The following MYBPC3 variants were observed in gnomAD, a reference collection of about 807,000 sequenced individuals.
The protein encoded by MYBPC3 is myosin binding protein C3.
MYBPC3 carries 108 observed loss-of-function variants against 159.3 expected under a neutral mutation model. The observed-to-expected ratio is 0.68, with a 90% CI of 0.58 to 0.80. The LOEUF (loss-of-function observed/expected upper bound fraction) is 0.80, where lower values mean the gene tolerates loss of function less well. Among genes scored for constraint, MYBPC3 ranks in the 30% least tolerant of loss-of-function variants. The probability of loss-of-function intolerance (pLI) is 0.00; values close to 1 mark genes in which losing one functional copy is unlikely to be tolerated. For synonymous variants in MYBPC3, 730 were observed against 702.0 expected, an observed-to-expected ratio of 1.04 and a Z score of -0.63; for missense variants, 1,631 against 1,762.1, an observed-to-expected ratio of 0.93 and a Z score of 1.33.
Position 47,339,311 on chromosome 11 carries a change from C to T in MYBPC3, c.2148+13G>A. The T allele has an allele frequency of 6.2e-7, 1 of 1,613,700 alleles. No homozygotes were observed. Among genetic ancestry groups the T allele is most frequent in the Non-Finnish European group, 8.5e-7 (1 of 1,179,560 alleles). On this transcript the variant is annotated intron_variant, in intron 22 of 34. Transcript: ENST00000545968. ...AGACAAACGAGCCTCCTCCTGACCT[C>T]AGTCTCACTCACCTTCTTGTCAAAC...
chr11:47,333,650 G>A lies in MYBPC3; in HGVS notation c.3097C>T (p.Arg1033Trp), dbSNP rs748909815. 8.1e-6 allele frequency: 13 copies of A among 1,609,844 alleles called. No individual in the cohort carries two copies. Among genetic ancestry groups the A allele is most frequent in the Middle Eastern group, 1.6e-4 (1 of 6,082 alleles). The change falls in exon 29 of 35, where the codon CGG becomes TGG. Residue 1033 changes from arginine to tryptophan, a missense_variant. Physicochemically the swap from Arg to Trp is moderately radical, Grantham distance 101. Transcript: ENST00000545968. ...CCTGAATGCACGCGGCGAGCGGCCCGGATGAACAGGATGGTGTCTGTGGGG... is the reference window on the plus strand; with the variant it reads ...CCTGAATGCACGCGGCGAGCGGCCCAGATGAACAGGATGGTGTCTGTGGGG... ...NSPTDTILFI[R>W]AARRVHSGTY...
rs11570093 is a variant in MYBPC3, at chr11:47,338,302, T to C, written c.2308+218A>G. On this transcript the variant is annotated intron_variant, in intron 23 of 34. Coordinates refer to ENST00000545968, the MANE Select transcript of MYBPC3 (RefSeq NM_000256.3). This position sits in a 1 kb window ranked among gnomAD's most constrained non-coding sequence, Gnocchi z 4.7. Reference sequence around the variant, plus strand: ...CAGTGCTCCCACGGCACTCTGGACATGGCTCATGTACAGCAGTGTCGCAGG... The same window carrying C: ...CAGTGCTCCCACGGCACTCTGGACACGGCTCATGTACAGCAGTGTCGCAGG... Among the ~76,000 whole-genome samples, 323 of 152,320 alleles carry C rather than the reference T, an allele frequency of 2.1e-3. 3 individuals carry two copies. Among genetic ancestry groups the C allele is most frequent in the Non-Finnish European group, 3.5e-3 (241 of 68,016 alleles).
intron 22 of MYBPC3, among the ~76,000 whole-genome samples, chr11:47,339,079 G>C (rs2095885608): frequency 6.6e-6 from 1 of 152,032 alleles, no homozygotes; most frequent in Admixed American, 6.6e-5. Flanking sequence ...GGGAGCCAGG[G>C]AGCAGCCCAG....
rs1432810664 is a variant in MYBPC3, at chr11:47,343,069, G to A, written c.1303C>T (p.Gln435Ter). 1 of 1,612,618 alleles carries A rather than the reference G, an allele frequency of 6.2e-7. No individual in the cohort carries two copies. The highest frequency in any genetic ancestry group is 8.5e-7 in the Non-Finnish European group (1 of 1,179,446). Residue 435 changes from glutamine to a stop codon, truncating the protein, a stop_gained, in exon 15 of 35, where the codon CAG (glutamine) becomes TAG (stop). Transcript: ENST00000545968. LOFTEE classifies it high-confidence loss of function. ...QCSLADDAAY[Q>*]CVVGGEKCST... ...CACTTCTCGCCACCCACCACGCACT[G>A]GTAGGCTGCGTCGTCCGCCAATGAG...
intron 12 of MYBPC3, among the ~76,000 whole-genome samples, chr11:47,345,485 T>C (rs1461347272): frequency 6.6e-6 from 1 of 152,134 alleles, no homozygotes; most frequent in African/African-American, 2.4e-5. Flanking sequence ...TTGTCTCCCA[T>C]ATCCTGCATG....
intron 18 of MYBPC3, 71 bp downstream of exon 18, chr11:47,341,920 T>C: frequency 6.5e-7 from 1 of 1,530,468 alleles, no homozygotes; most frequent in Admixed American, 2.0e-5. Context: ...TCTCTCTCTG[T>C]TTCTCCCTGT....
rs1022969734 is a variant in MYBPC3, at chr11:47,338,961, C to T, written c.2149-282G>A. Among the ~76,000 whole-genome samples, 2 of 152,184 alleles carry T rather than the reference C, an allele frequency of 1.3e-5. No individual in the cohort carries two copies. The highest frequency in any genetic ancestry group is 4.8e-5 in the African/African-American group (2 of 41,426). On this transcript the variant is annotated intron_variant, in intron 22 of 34. Coordinates refer to ENST00000545968, the MANE Select transcript of MYBPC3 (RefSeq NM_000256.3). The surrounding 1 kb of genome is among the most constrained non-coding windows in gnomAD (Gnocchi z 4.7). ...CAGCCTTCAGAAGAACCAACAGTGC[C>T]AGGCAGGAGCAAGACCCCGGCAGCT...
intron 12 of MYBPC3, among the ~76,000 whole-genome samples, chr11:47,343,887 C>T (rs2095891813): frequency 6.6e-6 from 1 of 152,356 alleles, no homozygotes; most frequent in Admixed American, 6.5e-5. Flanking sequence ...CTCCCAGGTT[C>T]AAGTGATTCT....
chr11:47,349,713 G>T, intron 5 of MYBPC3, 61 bp downstream of exon 5: 1 of 1,560,956 alleles, frequency 6.4e-7, no homozygotes, highest in Non-Finnish European at 8.6e-7. Context: ...TGTGTGCCTT[G>T]TGCCTTCTAG....
chr11:47,340,894 G>A, intron 20 of MYBPC3, 109 bp downstream of exon 20: 1 of 1,268,026 alleles, frequency 7.9e-7, no homozygotes, highest in Non-Finnish European at 1.1e-6. Flanking sequence ...TGGGCCCCAG[G>A]ACCCCCACTT....
intron 25 of MYBPC3, among the ~76,000 whole-genome samples, chr11:47,336,828 G>C (rs1393791891): frequency 2.0e-5 from 3 of 152,234 alleles, no homozygotes; most frequent in African/African-American, 7.2e-5. Flanking sequence ...AGGAAGCTGA[G>C]GCTTCAGGGA....
intron 5 of MYBPC3, among the ~76,000 whole-genome samples, chr11:47,349,196 A>G (rs1183259974): frequency 1.3e-5 from 2 of 151,842 alleles, no homozygotes; most frequent in Non-Finnish European, 2.9e-5. Flanking sequence ...TGAACAAACA[A>G]GGGGACTTAA....
chr11:47,333,892 C>G (rs1333860725), intron 28 of MYBPC3, 30 bp downstream of exon 28: 4 of 1,559,000 alleles, frequency 2.6e-6, no homozygotes, highest in Non-Finnish European at 3.5e-6. Flanking sequence ...CCTCTCTCCC[C>G]TGGGGGACAG....
chr11:47,333,160 G>A (rs534826052), intron 30 of MYBPC3, 34 bp downstream of exon 30: 20 of 1,589,022 alleles, frequency 1.3e-5, no homozygotes, highest in Non-Finnish European at 1.7e-5. Flanking sequence ...GGCCTAGGCA[G>A]GGTGCACGTG....
In MYBPC3 at chr11:47,349,749, GTCTCCAC is replaced by G. The variant is rs2095898311; in HGVS notation, c.654+18_654+24del. On this transcript the variant is annotated intron_variant, in intron 5 of 34. Coordinates refer to ENST00000545968, the MANE Select transcript of MYBPC3 (RefSeq NM_000256.3). Reference sequence around the variant, plus strand: ...GGCTCTCCATGTCCCCTCTCTCCGTGTCTCCACGACCCCGGTGGACCCACCTTGCTGG... The same window carrying G: ...GGCTCTCCATGTCCCCTCTCTCCGTGGACCCCGGTGGACCCACCTTGCTGG... The G allele has an allele frequency of 1.9e-6, 3 of 1,598,052 alleles. No individual in the cohort carries two copies. The highest frequency in any genetic ancestry group is 2.5e-6 in the Non-Finnish European group (3 of 1,178,584).
chr11:47,331,853 C>G lies in MYBPC3; in HGVS notation c.*18G>C. On this transcript the variant is annotated 3_prime_UTR_variant, in exon 34 of 35. Transcript: ENST00000545968. ...TGTCGGGTGGTACATACCTGGCCAT[C>G]CCCAGGAGCCAGCCTGGTCACTGAG... 1 of 1,607,714 alleles carries G rather than the reference C, an allele frequency of 6.2e-7. No individual in the cohort carries two copies. The highest frequency in any genetic ancestry group is 8.5e-7 in the Non-Finnish European group (1 of 1,177,460).
Position 47,339,358 on chromosome 11 carries a change from G to GT in MYBPC3, c.2113dup (p.Thr705AsnfsTer3), listed in dbSNP as rs397515948. On this transcript the variant is annotated frameshift_variant, in exon 22 of 35. Coordinates refer to ENST00000545968, the MANE Select transcript of MYBPC3 (RefSeq NM_000256.3). LOFTEE classifies it high-confidence loss of function. ...AAACACCCACTCATCGCTGTCACCT[G>GT]TGTCCTCTGGGGCATCTGGGGCTGG... 1 of 1,614,070 alleles carries GT rather than the reference G, an allele frequency of 6.2e-7. No homozygotes were observed. The highest frequency in any genetic ancestry group is 8.5e-7 in the Non-Finnish European group (1 of 1,179,892).
chr11:47,348,341 C>A, intron 6 of MYBPC3, 83 bp downstream of exon 6: 1 of 1,038,084 alleles, frequency 9.6e-7, no homozygotes, highest in Non-Finnish European at 1.4e-6. Flanking sequence ...GACGAGGCAT[C>A]CTCCTTAGTG....
In MYBPC3 at chr11:47,350,519, C is replaced by A; in HGVS notation, c.389G>T (p.Ser130Ile). Residue 130 changes from serine (S) to isoleucine (I), a missense_variant, in exon 3 of 35, where the codon AGT becomes ATT. Coordinates refer to ENST00000545968, the MANE Select transcript of MYBPC3 (RefSeq NM_000256.3). ...CCTCTCACCTTTGGGACTTGGGGCA[C>A]TTTCTCCCAGCTCAGCGGCTGGGGC... The part of the protein sequence containing the change: ...APAPAAELGE[S>I]APSPKGSSSA... The A allele has an allele frequency of 6.4e-7, 1 of 1,560,108 alleles. No individual in the cohort carries two copies. The highest frequency in any genetic ancestry group is 8.6e-7 in the Non-Finnish European group (1 of 1,156,806).
Sources: allele counts gnomAD v4.1 joint callset (sites outside exome capture counted in the v4.1 genomes callset), GRCh38; gene constraint gnomAD v4.1.1; non-coding constraint Gnocchi (gnomAD v3.1); transcripts MANE v1.5; gene names NCBI Gene and HGNC (gene_info 2026-07-23, HGNC 2026-07-21).